Variants in CHM observed in about 807,000 individuals in gnomAD.
CHM encodes rab proteins geranylgeranyltransferase component A 1.
A neutral mutation model predicts 49.0 loss-of-function variants in CHM; 10 were observed. The observed-to-expected ratio is 0.20, with a 90% CI of 0.13 to 0.35. The LOEUF (loss-of-function observed/expected upper bound fraction) is 0.35. CHM is among the 10% of genes least tolerant of loss of function. CHM has a pLI of 1.00. For missense variants in CHM, 455 were observed against 478.4 expected (o/e 0.95, Z 0.46); for synonymous variants, 184 against 167.5 (o/e 1.10, Z -0.76).
At chrX:85,877,584 G>C (rs1924492776) in intron 13 of CHM, among the ~76,000 whole-genome samples, 1 of 111,355 alleles carries the variant, frequency 9.0e-6, no homozygotes. Context: ...ATAACTAAAA[G>C]AGTATAACTG....
intron 8 of CHM, among the ~76,000 whole-genome samples, chrX:85,921,946 C>T (rs1927810789): frequency 9.0e-6 from 1 of 111,611 alleles, no homozygotes; most frequent in Admixed American, 9.5e-5. Context: ...GAAGGGGATC[C>T]CAAAAGTCTT....
chrX:86,013,821 TA>T (rs780291118), intron 2 of CHM, among the ~76,000 whole-genome samples: 292 of 111,303 alleles, frequency 2.6e-3, no homozygotes, highest in African/African-American at 9.1e-3. Flanking sequence ...ACAGAACTTC[TA>T]GAAGCCATTG....
At chrX:85,905,103 A>G (rs1926512075) in intron 9 of CHM, among the ~76,000 whole-genome samples, 1 of 111,349 alleles carries the variant, frequency 9.0e-6, no homozygotes, top group Admixed American at 9.6e-5. Context: ...AGCATTTTTT[A>G]AAACTAGCAT....
chrX:85,878,955 T>C lies in CHM; in HGVS notation c.1609+10A>G. 1 of 1,112,305 alleles carries C rather than the reference T, an allele frequency of 9.0e-7. No individual in the cohort carries two copies. Among genetic ancestry groups the C allele is most frequent in the Non-Finnish European group, 1.2e-6 (1 of 807,761 alleles). The allele number at this position is 1,112,305 out of a possible 1,213,427, so 91.7% of individuals were successfully genotyped here. ...CCTTTCCATCATGAGTTATCAATTA[T>C]TTTTCTTACCTATCTCCATTTCAGT... is the stretch of plus-strand genomic sequence containing the variant. On this transcript the variant is annotated intron_variant, in intron 13 of 14. Transcript: ENST00000357749.
At position 86,015,061 on chromosome X, in the gene CHM, A is replaced by AT. The variant is rs34046566; in HGVS notation, c.116+12429dup. ...GTTTCAATATATACATGAAAAAGTT[A>AT]TTTTTTTTTTTATTCTAAAGGAATA... On this transcript the variant is annotated intron_variant, in intron 2 of 14. Coordinates refer to ENST00000357749, the MANE Select transcript of CHM (RefSeq NM_000390.4). 1.6e-3 allele frequency among the ~76,000 whole-genome samples: 169 copies of AT among 106,194 alleles called. 2 individuals carry two copies. The East Asian group carries it at 0.041, about 26-fold the overall frequency. 92.2% of individuals were successfully genotyped at this position (106,194 alleles called of 115,157 possible). A position where few individuals can be genotyped will look rare whatever the true frequency, so the allele number is the denominator to read the frequency against.
intron 2 of CHM, among the ~76,000 whole-genome samples, chrX:85,987,724 C>G (rs1931992448): frequency 8.9e-6 from 1 of 111,797 alleles, no homozygotes; most frequent in African/African-American, 3.3e-5. Context: ...TCAGAAGCTA[C>G]TATTAACACC....
At chrX:85,969,954 G>A (rs1275187749) in intron 4 of CHM, 1 of 111,790 alleles carries the variant, frequency 8.9e-6, no homozygotes, top group Admixed American at 9.5e-5. Flanking sequence ...GGGAGGGGAA[G>A]ATGAGGAGAG....
rs766582633 is a variant in CHM, at chrX:85,894,240, A to C, written c.1458T>G (p.Ala486=). 4 of 1,211,223 alleles carry C rather than the reference A, an allele frequency of 3.3e-6. No individual in the cohort carries two copies. In the East Asian group the frequency reaches 1.2e-4, roughly 36 times the overall value. Reference sequence around the variant, plus strand: ...AAGAACATAACTCAATGACCCGAACAGCAAAAGTTCCTGGTTCCTCTGCTG... The same window carrying C: ...AAGAACATAACTCAATGACCCGAACCGCAAAAGTTCCTGGTTCCTCTGCTG... ...TVPAEEPGTF[A]VRVIELCSST... The change falls in exon 12 of 15, where the codon GCT becomes GCG. Residue 486 remains alanine, a synonymous_variant. Coordinates refer to ENST00000357749, the MANE Select transcript of CHM (RefSeq NM_000390.4).
At chrX:86,012,634 C>A (rs1212282693) in intron 2 of CHM, among the ~76,000 whole-genome samples, 1 of 111,624 alleles carries the variant, frequency 9.0e-6, no homozygotes, top group Non-Finnish European at 1.9e-5. Flanking sequence ...CCCGCTGGAA[C>A]CTTTTGCAGA....
chrX:85,913,133 C>CGGCCAACAT (rs200974618), intron 8 of CHM, among the ~76,000 whole-genome samples: 24,790 of 100,520 alleles, frequency 0.25, 2,482 homozygotes, highest in African/African-American at 0.29. Flanking sequence ...GAGACCAGCC[C>CGGCCAACAT]GGTGAAACCT....
chrX:86,043,967 G>A (rs1934570595), intron 1 of CHM, among the ~76,000 whole-genome samples: 1 of 111,699 alleles, frequency 9.0e-6, no homozygotes, highest in Non-Finnish European at 1.9e-5. Context: ...AACCTACTCT[G>A]CAGCCCATCT....
intron 8 of CHM, among the ~76,000 whole-genome samples, chrX:85,914,770 C>T (rs987510905): frequency 1.8e-5 from 2 of 111,319 alleles, no homozygotes; most frequent in African/African-American, 3.3e-5. Flanking sequence ...GTGCCTCCCA[C>T]GCCCAATTGC....
intron 4 of CHM, chrX:85,971,316 G>T (rs774949494): frequency 1.3e-5 from 7 of 539,682 alleles, no homozygotes; most frequent in Non-Finnish European, 1.4e-5. Flanking sequence ...CCGCGGACCC[G>T]CGCGGTGAGT....
intron 8 of CHM, among the ~76,000 whole-genome samples, chrX:85,942,850 G>A (rs1357427782): frequency 2.8e-5 from 3 of 106,756 alleles, no homozygotes; most frequent in Non-Finnish European, 3.9e-5. Flanking sequence ...ATGTTGGTGT[G>A]CTGCACCCAT....
chrX:86,003,752 T>C (rs1849079639), intron 2 of CHM, among the ~76,000 whole-genome samples: 1 of 111,697 alleles, frequency 9.0e-6, no homozygotes, highest in Admixed American at 9.5e-5. Flanking sequence ...CCAAGAAATA[T>C]GGGGCTATGT....
intron 11 of CHM, among the ~76,000 whole-genome samples, chrX:85,900,015 A>C (rs1926154276): frequency 9.0e-6 from 1 of 110,959 alleles, no homozygotes; most frequent in African/African-American, 3.3e-5. Flanking sequence ...GAGGTTCCAC[A>C]AAAAAATTAA....
intron 13 of CHM, among the ~76,000 whole-genome samples, chrX:85,874,773 C>A (rs750948099): frequency 9.0e-6 from 1 of 111,345 alleles, no homozygotes; most frequent in Non-Finnish European, 1.9e-5. Flanking sequence ...AATCTATTGA[C>A]AAAATAAAGG....
At chrX:86,027,357 C>A in intron 2 of CHM, 134 bp downstream of exon 2, 2 of 537,534 alleles carry the variant, frequency 3.7e-6, no homozygotes, top group Non-Finnish European at 6.5e-6. Flanking sequence ...CAACTCCGAT[C>A]TTTCTTCTAA....
At chrX:86,039,672 A>G (rs1319764086) in intron 1 of CHM, among the ~76,000 whole-genome samples, 1 of 110,677 alleles carries the variant, frequency 9.0e-6, no homozygotes, top group East Asian at 2.8e-4. Context: ...GTGAGAACTT[A>G]TATCCCCATT....
Sources: allele counts gnomAD v4.1 joint callset (sites outside exome capture counted in the v4.1 genomes callset), GRCh38; gene constraint gnomAD v4.1.1; transcripts MANE v1.5; gene names NCBI Gene and HGNC (gene_info 2026-07-23, HGNC 2026-07-21).